Variants in ANKFY1 observed in about 807,000 individuals in gnomAD.
ANKFY1 encodes ankyrin repeat and FYVE domain containing 1.
In ANKFY1, 47 loss-of-function variants were observed where a neutral mutation model predicts 128.3. The observed-to-expected ratio is 0.37, with a 90% CI of 0.29 to 0.47. The LOEUF is 0.47. Among genes scored for constraint, ANKFY1 ranks in the 20% least tolerant of loss-of-function variants. ANKFY1 has a pLI of 1.00. For missense variants in ANKFY1, 1,222 were observed against 1,510.6 expected (o/e 0.81, Z 3.17); for synonymous variants, 553 against 601.6 (o/e 0.92, Z 1.18).
intron 1 of ANKFY1, among the ~76,000 whole-genome samples, chr17:4,254,258 C>T (rs576361467): frequency 3.6e-4 from 50 of 137,348 alleles, no homozygotes; most frequent in African/African-American, 7.3e-4. Context: ...GAGCCAAGAT[C>T]GCACCACTGC....
intron 22 of ANKFY1, 43 bp downstream of exon 22, chr17:4,172,513 G>C: frequency 6.3e-7 from 1 of 1,589,494 alleles, no homozygotes; most frequent in Non-Finnish European, 8.6e-7. Flanking sequence ...CAGGAAGCAA[G>C]GTGCGCAAGT....
Position 4,172,646 on chromosome 17 carries a change from C to T in ANKFY1, c.3049G>A (p.Gly1017Ser), listed in dbSNP as rs1268500640. 1.2e-6 allele frequency: 2 copies of T among 1,613,974 alleles called. No individual in the cohort carries two copies. The highest frequency in any genetic ancestry group is 1.7e-6 in the Non-Finnish European group (2 of 1,179,984). Reference protein sequence around the residue: ...QSPLHILGQYGKENAAAIFDL... With the variant: ...QSPLHILGQYSKENAAAIFDL... ...AAGATGGCCGCTGCATTCTCCTTGC[C>T]ATATTGTCCCAAAATGTGCAGTGGT... The change falls in exon 22 of 25, where the codon GGC becomes AGC. Residue 1017 changes from glycine (G) to serine (S), a missense_variant. By Grantham distance (56) the Gly-to-Ser change is moderately conservative. Coordinates refer to ENST00000341657, the MANE Select transcript of ANKFY1 (RefSeq NM_001330063.2).
intron 1 of ANKFY1, among the ~76,000 whole-genome samples, chr17:4,259,031 A>G (rs1404115703): frequency 2.6e-5 from 4 of 152,198 alleles, no homozygotes; most frequent in Non-Finnish European, 5.9e-5. Flanking sequence ...ACCAGGGTGA[A>G]AGCATCAGGC....
At chr17:4,207,590 A>C (rs2060048919) in intron 6 of ANKFY1, among the ~76,000 whole-genome samples, 1 of 152,060 alleles carries the variant, frequency 6.6e-6, no homozygotes, top group Admixed American at 6.6e-5. Context: ...AAGGCAATAC[A>C]TTTGTGTTGT....
At chr17:4,207,098 G>A (rs2060038844) in intron 6 of ANKFY1, among the ~76,000 whole-genome samples, 1 of 152,022 alleles carries the variant, frequency 6.6e-6, no homozygotes, top group Non-Finnish European at 1.5e-5. Flanking sequence ...GATTATCCAG[G>A]AGGCCCGACC....
At chr17:4,260,118 T>C (rs1033500229) in intron 1 of ANKFY1, among the ~76,000 whole-genome samples, 16 of 152,204 alleles carry the variant, frequency 1.1e-4, no homozygotes, top group African/African-American at 3.9e-4. Flanking sequence ...AACAGAGAAC[T>C]GGAATATATT....
At chr17:4,222,682 C>G in intron 3 of ANKFY1, 1 of 853,680 alleles carries the variant, frequency 1.2e-6, no homozygotes, top group Non-Finnish European at 2.0e-6. Flanking sequence ...CCCTGACACG[C>G]AGCTCCAACC....
At chr17:4,247,637 A>C (rs1967619893) in intron 1 of ANKFY1, among the ~76,000 whole-genome samples, 1 of 152,210 alleles carries the variant, frequency 6.6e-6, no homozygotes, top group Admixed American at 6.5e-5. Flanking sequence ...GTCTGCTTAC[A>C]AACAGCAATG....
intron 3 of ANKFY1, among the ~76,000 whole-genome samples, chr17:4,227,398 A>G (rs2060443445): frequency 6.6e-6 from 1 of 152,242 alleles, no homozygotes; most frequent in African/African-American, 2.4e-5. Context: ...ATGCAATCTT[A>G]GTTTAACATC....
intron 1 of ANKFY1, among the ~76,000 whole-genome samples, chr17:4,248,848 G>A (rs1054452435): frequency 2.0e-5 from 3 of 152,140 alleles, no homozygotes; most frequent in South Asian, 2.1e-4. Flanking sequence ...AAAAAGCTAC[G>A]CTAAGTATCA....
At chr17:4,197,222 C>G (rs1555628414) in intron 8 of ANKFY1, 151 bp downstream of exon 8, 1 of 771,806 alleles carries the variant, frequency 1.3e-6, no homozygotes, top group Non-Finnish European at 2.1e-6. Flanking sequence ...AGTGACACTA[C>G]TACTACACAT....
At chr17:4,222,855 C>G in intron 3 of ANKFY1, 1 of 956,412 alleles carries the variant, frequency 1.0e-6, no homozygotes, top group Non-Finnish European at 1.7e-6. Flanking sequence ...GCCATCCACC[C>G]AGACGACTCA....
Position 4,249,007 on chromosome 17 carries a change from C to CA in ANKFY1, c.11-6560dup, listed in dbSNP as rs1326163914. On this transcript the variant is annotated intron_variant, in intron 1 of 24. Transcript: ENST00000341657. ...TTGAGTTAACAAAACATGCTTAAGA[C>CA]AAAAAAATCTTCATTCATTACAAAT... 1.8e-5 allele frequency: 8 copies of CA among 446,014 alleles called. No homozygotes were observed. The East Asian group carries it at 4.7e-4, about 26-fold the overall frequency. The allele number at this position is 446,014 out of a possible 1,614,324, so 27.6% of individuals were successfully genotyped here.
intron 1 of ANKFY1, among the ~76,000 whole-genome samples, chr17:4,262,073 C>T (rs1046934533): frequency 1.3e-5 from 2 of 152,210 alleles, no homozygotes; most frequent in African/African-American, 4.8e-5. Flanking sequence ...TACCTGCAAC[C>T]CCAGCACTTA....
intron 1 of ANKFY1, among the ~76,000 whole-genome samples, chr17:4,260,310 T>C (rs1968341059): frequency 1.3e-5 from 2 of 152,098 alleles, no homozygotes; most frequent in African/African-American, 4.8e-5. Context: ...CCTTTTGAAG[T>C]AGTTCACTTA....
intron 3 of ANKFY1, among the ~76,000 whole-genome samples, chr17:4,218,096 G>C (rs1322878806): frequency 6.6e-6 from 1 of 152,186 alleles, no homozygotes; most frequent in African/African-American, 2.4e-5. Flanking sequence ...GATAAATAAT[G>C]GCTAGTAAAC....
At position 4,223,790 on chromosome 17, in the gene ANKFY1, T is replaced by G. The variant is rs1457760558; in HGVS notation, c.323-6672A>C. 3 of 1,513,158 alleles carry G rather than the reference T, an allele frequency of 2.0e-6. No individual in the cohort carries two copies. In the Admixed American group the frequency reaches 5.3e-5, roughly 27 times the overall value. 93.7% of individuals were successfully genotyped at this position (1,513,158 alleles called of 1,614,324 possible). ...GCCCAAGTTTCAGCAGCTGGTACAG[T>G]GTCTCACAGTTTCATGCAGGCCTGG... On this transcript the variant is annotated intron_variant, in intron 3 of 24. Coordinates refer to ENST00000341657, the MANE Select transcript of ANKFY1 (RefSeq NM_001330063.2).
chr17:4,179,894 C>T lies in ANKFY1; in HGVS notation c.2241-17G>A. The T allele has an allele frequency of 1.2e-6, 2 of 1,613,616 alleles. No homozygotes were observed. Among genetic ancestry groups the T allele is most frequent in the Non-Finnish European group, 1.7e-6 (2 of 1,179,896 alleles). Reference sequence around the variant, plus strand: ...TCACAGCCACTGAAAGGAATGGGGACATTTTAAAAAACGCCACGCTTGGAC... The same window carrying T: ...TCACAGCCACTGAAAGGAATGGGGATATTTTAAAAAACGCCACGCTTGGAC... On this transcript the variant is annotated splice_polypyrimidine_tract_variant and intron_variant, in intron 16 of 24. Coordinates refer to ENST00000341657, the MANE Select transcript of ANKFY1 (RefSeq NM_001330063.2).
intron 1 of ANKFY1, among the ~76,000 whole-genome samples, chr17:4,263,101 G>A (rs984077800): frequency 1.3e-5 from 2 of 152,202 alleles, no homozygotes; most frequent in Admixed American, 6.5e-5. Context: ...CACGATTCCT[G>A]ACAGGTAACT....
Sources: allele counts gnomAD v4.1 joint callset (sites outside exome capture counted in the v4.1 genomes callset), GRCh38; gene constraint gnomAD v4.1.1; transcripts MANE v1.5; gene names NCBI Gene and HGNC (gene_info 2026-07-23, HGNC 2026-07-21).